Variants in ZNF343 observed in about 807,000 individuals in gnomAD.
ZNF343 encodes the protein zinc finger protein 343.
In ZNF343, 11 loss-of-function variants were observed where a neutral mutation model predicts 13.8. The ratio of observed to expected loss-of-function variants is 0.80; its 90% CI spans 0.50 to 1.32. ZNF343 has a LOEUF of 1.32. ZNF343 is among the 40% of genes most tolerant of loss of function. The probability of loss-of-function intolerance (pLI) is 0.00; values close to 1 mark genes in which losing one functional copy is unlikely to be tolerated. For missense variants in ZNF343, 658 were observed against 714.2 expected (o/e 0.92, Z 0.90); for synonymous variants, 248 against 260.0 (o/e 0.95, Z 0.44).
intron 1 of ZNF343, among the ~76,000 whole-genome samples, chr20:2,501,170 C>A (rs1046696941): frequency 3.9e-5 from 6 of 152,222 alleles, no homozygotes; most frequent in African/African-American, 1.4e-4. Flanking sequence ...TATCCCGCGC[C>A]TGGCTCAGTG....
At chr20:2,495,827 C>G (rs1220672124) in intron 2 of ZNF343, among the ~76,000 whole-genome samples, 16 of 152,008 alleles carry the variant, frequency 1.1e-4, no homozygotes, top group Non-Finnish European at 2.4e-4. Flanking sequence ...ATTACAGGCA[C>G]CTGCCACCAC....
chr20:2,499,242 G>T (rs2085514985), intron 2 of ZNF343, among the ~76,000 whole-genome samples: 1 of 148,354 alleles, frequency 6.7e-6, no homozygotes, highest in African/African-American at 2.5e-5. Context: ...GAGGTGGGCG[G>T]ATCACGAGGT....
intron 1 of ZNF343, among the ~76,000 whole-genome samples, chr20:2,507,614 G>T (rs1239105854): frequency 6.6e-6 from 1 of 152,184 alleles, no homozygotes; most frequent in Non-Finnish European, 1.5e-5. Context: ...TAGCTGTGGA[G>T]CGCCACACGC....
At chr20:2,497,891 G>A (rs1430817420) in intron 2 of ZNF343, among the ~76,000 whole-genome samples, 2 of 140,816 alleles carry the variant, frequency 1.4e-5, no homozygotes, top group Admixed American at 7.0e-5. Flanking sequence ...TCCTTCATAT[G>A]GCTCCTCCAT....
chr20:2,522,117 A>G (rs1198840063), intron 1 of ZNF343, among the ~76,000 whole-genome samples: 1 of 152,260 alleles, frequency 6.6e-6, no homozygotes, highest in African/African-American at 2.4e-5. Flanking sequence ...CAACTGTTAC[A>G]TATGAATTAT....
rs146631758 is a variant in ZNF343 at position 2,482,144 on chromosome 20, C to T, written c.*1017G>A. 1 of 152,182 alleles carries T rather than the reference C, an allele frequency of 6.6e-6. No homozygotes were observed. The highest frequency in any genetic ancestry group is 1.5e-5 in the Non-Finnish European group (1 of 68,046). The allele number at this position is 152,182 out of a possible 1,614,324, so 9.4% of individuals were successfully genotyped here. On this transcript the variant is annotated 3_prime_UTR_variant, in exon 6 of 6. Coordinates refer to ENST00000278772, the MANE Select transcript of ZNF343 (RefSeq NM_024325.6). ...ATGTGTTTCACATTTTCCCTCCCCA[C>T]CCATGTAAAGCTTGTCCCAAAAAAG... is the stretch of plus-strand genomic sequence containing the variant.
At chr20:2,519,391 C>G (rs973634397) in intron 1 of ZNF343, among the ~76,000 whole-genome samples, 1 of 152,206 alleles carries the variant, frequency 6.6e-6, no homozygotes, top group Admixed American at 6.5e-5. Flanking sequence ...CACACTCACA[C>G]TGACTCTGGA....
At chr20:2,502,370 C>G (rs1275592485) in intron 1 of ZNF343, among the ~76,000 whole-genome samples, 1 of 152,164 alleles carries the variant, frequency 6.6e-6, no homozygotes, top group African/African-American at 2.4e-5. Context: ...AGAATGGAAC[C>G]AAGTTGGAAA....
Position 2,518,594 on chromosome 20 carries a change from C to G in ZNF343, c.-347+5861G>C, listed in dbSNP as rs2085769689. 6.6e-6 allele frequency among the ~76,000 whole-genome samples: 1 copy of G among 152,190 alleles called. No individual in the cohort carries two copies. ...ACCCCTCCGGTTCCACACTCACTCA[C>G]AACCTACAACCCTCCCTTACAGACA... On this transcript the variant is annotated intron_variant, in intron 1 of 6. Transcript: ENST00000358413. This position sits in a 1 kb window ranked among gnomAD's most constrained non-coding sequence, Gnocchi z 4.6.
intron 1 of ZNF343, among the ~76,000 whole-genome samples, chr20:2,515,799 C>T (rs563236337): frequency 2.0e-4 from 31 of 152,238 alleles, no homozygotes; most frequent in Admixed American, 3.3e-4. Flanking sequence ...CCTTAGACTT[C>T]GAGGTTCAAC....
upstream of ZNF343, chr20:2,524,576 A>T (rs1283713296): frequency 3.9e-5 from 6 of 152,310 alleles, no homozygotes; most frequent in Admixed American, 3.9e-4. Flanking sequence ...GCCCGCCCGA[A>T]CCGCCAGGAC....
At chr20:2,491,671 A>G (rs1385333256) in intron 5 of ZNF343, among the ~76,000 whole-genome samples, 4 of 152,210 alleles carry the variant, frequency 2.6e-5, no homozygotes, top group Non-Finnish European at 5.9e-5. Context: ...GAACATATCA[A>G]TGCTCATCCG....
intron 2 of ZNF343, among the ~76,000 whole-genome samples, chr20:2,496,967 C>G (rs2085469606): frequency 7.1e-6 from 1 of 140,142 alleles, no homozygotes; most frequent in Admixed American, 6.8e-5. Context: ...GTAATCCCAG[C>G]TACTCGGGAG....
intron 1 of ZNF343, among the ~76,000 whole-genome samples, chr20:2,514,660 A>G (rs2085751436): frequency 6.6e-6 from 1 of 152,124 alleles, no homozygotes; most frequent in Non-Finnish European, 1.5e-5. Context: ...AATTTTTGTA[A>G]GACTAATACT....
chr20:2,519,260 G>T (rs746655353), intron 1 of ZNF343, among the ~76,000 whole-genome samples: 1 of 151,884 alleles, frequency 6.6e-6, no homozygotes, highest in Non-Finnish European at 1.5e-5. Context: ...CCTTTACTAC[G>T]CTCTCATAAT....
upstream of ZNF343, among the ~76,000 whole-genome samples, chr20:2,513,671 A>C (rs967405411): frequency 1.3e-5 from 2 of 152,194 alleles, no homozygotes; most frequent in African/African-American, 2.4e-5. Context: ...TCAAACAAAA[A>C]CTTTTATAGA....
chr20:2,501,273 C>A (rs1327048807), intron 1 of ZNF343, among the ~76,000 whole-genome samples: 1 of 152,172 alleles, frequency 6.6e-6, no homozygotes, highest in Non-Finnish European at 1.5e-5. Context: ...GGGCACCCAC[C>A]ATTGCTGAGG....
At chr20:2,488,167 G>A (rs779979346) in intron 5 of ZNF343, among the ~76,000 whole-genome samples, 6 of 152,052 alleles carry the variant, frequency 3.9e-5, no homozygotes, top group Non-Finnish European at 5.9e-5. Flanking sequence ...TAGGCATCTG[G>A]ATTTTTAGCC....
At chr20:2,516,254 T>A (rs1441690443) in intron 1 of ZNF343, among the ~76,000 whole-genome samples, 1 of 152,084 alleles carries the variant, frequency 6.6e-6, no homozygotes, top group Non-Finnish European at 1.5e-5. Context: ...TCCCAACTAC[T>A]CAGGAGGCTG....
Sources: gnomAD v4.1 joint callset for allele counts (sites outside exome capture counted in the v4.1 genomes callset) on GRCh38, gnomAD v4.1.1 for gene constraint, Gnocchi (gnomAD v3.1) non-coding constraint, MANE v1.5 for transcripts, NCBI Gene and HGNC (gene_info 2026-07-23, HGNC 2026-07-21) for gene names.